The following DGKB variants were observed in gnomAD, a reference collection of about 807,000 sequenced individuals.
DGKB encodes the protein diacylglycerol kinase beta.
Under a neutral mutation model 114.3 loss-of-function variants are expected in DGKB, and 67 were observed. The observed-to-expected ratio is 0.59, with a 90% CI of 0.48 to 0.72. The LOEUF (loss-of-function observed/expected upper bound fraction) is 0.72. Among genes scored for constraint, DGKB ranks in the 30% least tolerant of loss-of-function variants. The pLI, the probability that DGKB is intolerant of heterozygous loss-of-function variation, is 0.00. For synonymous variants in DGKB, 398 were observed against 323.1 expected (o/e 1.23, Z -2.49); for missense variants, 907 against 975.2 (o/e 0.93, Z 0.93).
chr7:14,949,907 A>T (rs1481355607), intron 1 of DGKB, among the ~76,000 whole-genome samples: 2 of 151,774 alleles, frequency 1.3e-5, no homozygotes, highest in African/African-American at 2.4e-5. Context: ...AACAATGAGA[A>T]CATTTGGACA....
At chr7:14,494,991 A>G (rs1191693293) in intron 20 of DGKB, among the ~76,000 whole-genome samples, 1 of 151,868 alleles carries the variant, frequency 6.6e-6, no homozygotes, top group Non-Finnish European at 1.5e-5. Flanking sequence ...ACAAAGGTTT[A>G]ATAGGCTAAA....
chr7:14,867,619 AT>A (rs1363140223), intron 1 of DGKB, among the ~76,000 whole-genome samples: 1 of 152,130 alleles, frequency 6.6e-6, no homozygotes, highest in Non-Finnish European at 1.5e-5. Flanking sequence ...AAAACTAATT[AT>A]AAACCTCTAA....
intron 17 of DGKB, among the ~76,000 whole-genome samples, chr7:14,606,909 C>T (rs986160395): frequency 6.6e-6 from 1 of 151,796 alleles, no homozygotes; most frequent in Non-Finnish European, 1.5e-5. Flanking sequence ...CCCATTTATG[C>T]TGGAGGTTGC....
chr7:14,903,612 A>T (rs1161400688), upstream of DGKB, among the ~76,000 whole-genome samples: 1 of 152,150 alleles, frequency 6.6e-6, no homozygotes, highest in East Asian at 1.9e-4. Flanking sequence ...GCAGCTGCAG[A>T]CGCTCTTGCT....
intron 1 of DGKB, among the ~76,000 whole-genome samples, chr7:14,953,979 A>C (rs1184362709): frequency 6.6e-6 from 1 of 152,078 alleles, no homozygotes; most frequent in Non-Finnish European, 1.5e-5. Context: ...CAACTGAAGA[A>C]GAAATTCTGG....
Position 14,950,968 on chromosome 7 carries a change from A to T in DGKB, c.-188+23728T>A, listed in dbSNP as rs892673932. 2.6e-5 allele frequency among the ~76,000 whole-genome samples: 4 copies of T among 152,004 alleles called. No homozygotes were observed. The East Asian group carries it at 7.7e-4, about 29-fold the overall frequency. ...AACATCATTTAATATAATATATCAT[A>T]TTAATAGAATAAAAAACAGAAAGCA... On this transcript the variant is annotated intron_variant, in intron 1 of 4. Transcript: ENST00000437998.
intron 23 of DGKB, among the ~76,000 whole-genome samples, chr7:14,194,340 A>T (rs1784725582): frequency 6.6e-6 from 1 of 152,182 alleles, no homozygotes; most frequent in African/African-American, 2.4e-5. Context: ...TGTGGCAAAT[A>T]TACACCGTAG....
chr7:14,687,740 T>C (rs920484873), intron 9 of DGKB, among the ~76,000 whole-genome samples: 1 of 152,228 alleles, frequency 6.6e-6, no homozygotes, highest in Non-Finnish European at 1.5e-5. Flanking sequence ...TTACTGTTCT[T>C]GTAATTCTTG....
At chr7:14,314,756 C>T (rs1189289025) in intron 23 of DGKB, among the ~76,000 whole-genome samples, 10 of 151,438 alleles carry the variant, frequency 6.6e-5, no homozygotes, top group East Asian at 3.9e-4. Context: ...GGCAGGCCAA[C>T]GTTCAGATTC....
At chr7:14,854,238 T>A (rs1294265819) in intron 1 of DGKB, among the ~76,000 whole-genome samples, 1 of 152,210 alleles carries the variant, frequency 6.6e-6, no homozygotes, top group Non-Finnish European at 1.5e-5. Context: ...TTAATCTGCC[T>A]AAAACTGTCA....
intron 17 of DGKB, among the ~76,000 whole-genome samples, chr7:14,594,236 A>G (rs532145690): frequency 1.3e-3 from 194 of 152,206 alleles, no homozygotes; most frequent in Middle Eastern, 3.4e-3. Context: ...TAGTATTTTC[A>G]TACTGTATTT....
At chr7:14,422,043 A>C (rs1826795783) in intron 21 of DGKB, among the ~76,000 whole-genome samples, 1 of 152,062 alleles carries the variant, frequency 6.6e-6, no homozygotes. Context: ...GAAGGTATAT[A>C]TAAAAATATT....
At chr7:14,549,432 TTC>T (rs1403877174) in intron 20 of DGKB, among the ~76,000 whole-genome samples, 1 of 152,058 alleles carries the variant, frequency 6.6e-6, no homozygotes, top group African/African-American at 2.4e-5. Flanking sequence ...GATATATATT[TTC>T]TGTTTTCTTC....
intron 25 of DGKB, among the ~76,000 whole-genome samples, chr7:14,175,154 A>C (rs376673152): frequency 1.3e-5 from 2 of 152,216 alleles, no homozygotes; most frequent in African/African-American, 4.8e-5. Flanking sequence ...CTTGGATTTT[A>C]GTTCCATATC....
At chr7:14,392,995 G>GTTTTTT (rs1554404748) in intron 21 of DGKB, among the ~76,000 whole-genome samples, 1 of 60,548 alleles carries the variant, frequency 1.7e-5, no homozygotes, top group Non-Finnish European at 3.4e-5. Context: ...TTTTGTTTTT[G>GTTTTTT]TTTTTTTTTT....
chr7:14,320,528 C>A lies in DGKB; in HGVS notation c.2122+17987G>T, dbSNP rs1807561536. ...CATCTTTTCCACATATATATATGTA[C>A]CGCATATGCGGTACATATATGTACT... On this transcript the variant is annotated intron_variant, in intron 23 of 25. Coordinates refer to ENST00000402815, the MANE Select transcript of DGKB (RefSeq NM_001350709.2). Among the ~76,000 whole-genome samples the A allele has an allele frequency of 2.6e-5, 4 of 151,562 alleles. No homozygotes were observed. In the South Asian group the frequency reaches 8.3e-4, roughly 32 times the overall value.
At chr7:14,857,206 G>C (rs183029180) in intron 1 of DGKB, among the ~76,000 whole-genome samples, 3 of 146,478 alleles carry the variant, frequency 2.0e-5, no homozygotes, top group African/African-American at 5.1e-5. Context: ...CTCTCTCTCT[G>C]TCTCTCTCTC....
chr7:14,786,398 A>G (rs1026793176), intron 2 of DGKB, among the ~76,000 whole-genome samples: 2 of 152,230 alleles, frequency 1.3e-5, no homozygotes, highest in East Asian at 1.9e-4. Flanking sequence ...ATTACTTCCC[A>G]AAACAGACTG....
At chr7:14,757,267 CCTT>C (rs1160310486) in intron 3 of DGKB, among the ~76,000 whole-genome samples, 1 of 152,030 alleles carries the variant, frequency 6.6e-6, no homozygotes, top group African/African-American at 2.4e-5. Context: ...CAAGCATACT[CCTT>C]CTCTATTTTA....
Sources: gnomAD v4.1 joint callset for allele counts (sites outside exome capture counted in the v4.1 genomes callset) on GRCh38, gnomAD v4.1.1 for gene constraint, MANE v1.5 for transcripts, NCBI Gene and HGNC (gene_info 2026-07-23, HGNC 2026-07-21) for gene names.